RNF130: variants seen among roughly 807,000 people sequenced by gnomAD.
RNF130 encodes ring finger protein 130.
A neutral mutation model predicts 44.6 loss-of-function variants in RNF130; 21 were observed. The observed-to-expected ratio is 0.47, with a 90% CI of 0.33 to 0.68. RNF130 has a LOEUF of 0.68. Among genes scored for constraint, RNF130 ranks in the 30% least tolerant of loss-of-function variants. The probability of loss-of-function intolerance (pLI) is 0.02; values close to 1 mark genes in which losing one functional copy is unlikely to be tolerated. For synonymous variants in RNF130, 214 were observed against 210.4 expected (o/e 1.02, Z -0.15); for missense variants, 479 against 560.6 (o/e 0.85, Z 1.47).
Position 180,071,549 on chromosome 5 carries a change from GC to G in RNF130, c.153del (p.Leu52SerfsTer79). The stretch of plus-strand genomic sequence containing the variant: ...CGCCCGCGGTCGATGCGAAACGTGA[GC>G]GGGGCGCCGCGGCCGGGCTCCTGCA... ...VTVQEPGRGA[P>X]LTFRIDRGRY... On this transcript the variant is annotated frameshift_variant, in exon 1 of 9. Transcript: ENST00000521389. LOFTEE classifies it high-confidence loss of function. The G allele has an allele frequency of 1.4e-6, 2 of 1,418,094 alleles. No individual in the cohort carries two copies. The highest frequency in any genetic ancestry group is 1.6e-5 in the South Asian group (1 of 62,112). 87.8% of individuals were successfully genotyped at this position (1,418,094 alleles called of 1,614,324 possible).
At position 180,013,308 on chromosome 5, in the gene RNF130, G is replaced by C. The variant is rs950247993; in HGVS notation, c.446C>G (p.Thr149Ser). The C allele has an allele frequency of 3.7e-6, 6 of 1,603,476 alleles. No homozygotes were observed. Among genetic ancestry groups the C allele is most frequent in the Non-Finnish European group, 5.1e-6 (6 of 1,174,966 alleles). Residue 149 changes from threonine to serine, a missense_variant, in exon 3 of 9, where the codon ACT (threonine) becomes AGT (serine). Around this residue, in one of 3 missense-constraint regions of RNF130, gnomAD observed 180 missense variants for 275.1 expected, o/e 0.65. Coordinates refer to ENST00000521389, the MANE Select transcript of RNF130 (RefSeq NM_018434.6). ...EEPVTMTHPG[T>S]GDIIAVMITE... ...TATCATGACAGCAATAATATCTCCAGTGCCTGCAATATAAAATAAATATAT... is the reference window on the plus strand; with the variant it reads ...TATCATGACAGCAATAATATCTCCACTGCCTGCAATATAAAATAAATATAT...
Position 179,948,374 on chromosome 5 carries a change from T to A in RNF130, c.1150+18432A>T, listed in dbSNP as rs935672379. Among the ~76,000 whole-genome samples, 4 of 152,252 alleles carry A rather than the reference T, an allele frequency of 2.6e-5. No individual in the cohort carries two copies. In the East Asian group the frequency reaches 7.7e-4, roughly 29 times the overall value. ...TTCACCGGGACTCTATTCTTTGTTCTGTTTGTTGCTCTTGGCCTGGTGCAT... is the reference window on the plus strand; with the variant it reads ...TTCACCGGGACTCTATTCTTTGTTCAGTTTGTTGCTCTTGGCCTGGTGCAT... On this transcript the variant is annotated intron_variant, in intron 7 of 7. Transcript: ENST00000522208.
chr5:179,950,109 TTAAA>T (rs1264273266), downstream of RNF130, among the ~76,000 whole-genome samples: 7 of 152,104 alleles, frequency 4.6e-5, no homozygotes, highest in Non-Finnish European at 1.0e-4. Context: ...ATCATGCTTA[TTAAA>T]TAACTTTTTT....
chr5:180,044,140 A>G (rs546769234), intron 1 of RNF130, among the ~76,000 whole-genome samples: 1 of 152,304 alleles, frequency 6.6e-6, no homozygotes, highest in African/African-American at 2.4e-5. Flanking sequence ...TATCTATATA[A>G]TTATGAGCCT....
chr5:179,964,519 G>A (rs1762401634), intron 7 of RNF130: 1 of 152,212 alleles, frequency 6.6e-6, no homozygotes, highest in African/African-American at 2.4e-5. Context: ...ACCTATATAT[G>A]TGCAAGAAGG....
At chr5:180,011,310 TATCA>T (rs1763591610) in intron 3 of RNF130, among the ~76,000 whole-genome samples, 1 of 152,222 alleles carries the variant, frequency 6.6e-6, no homozygotes, top group Non-Finnish European at 1.5e-5. Flanking sequence ...AAAAAAGGTC[TATCA>T]ATCAGATAAT....
In RNF130 at chr5:179,966,119, C is replaced by T. The variant is rs1435737529; in HGVS notation, c.1150+687G>A. On this transcript the variant is annotated intron_variant, in intron 7 of 8. Coordinates refer to ENST00000521389, the MANE Select transcript of RNF130 (RefSeq NM_018434.6). Reference sequence around the variant, plus strand: ...TGAATGTCTATGATGCCTACACACACGCTGTCAGCTCACTCACACCGTCCT... The same window carrying T: ...TGAATGTCTATGATGCCTACACACATGCTGTCAGCTCACTCACACCGTCCT... Among the ~76,000 whole-genome samples the T allele has an allele frequency of 4.1e-4, 62 of 152,190 alleles. 1 individual carries two copies. The highest frequency in any genetic ancestry group is 3.9e-3 in the Admixed American group (60 of 15,276).
In RNF130 at chr5:179,955,378, C is replaced by T. The variant is rs1320583913; in HGVS notation, c.*276G>A. ...CTGTTCCTCTCACGGGAGCCAGGAG[C>T]ACATTCTGTCTCTGAAACACAAACA... On this transcript the variant is annotated 3_prime_UTR_variant, in exon 9 of 9. Coordinates refer to ENST00000521389, the MANE Select transcript of RNF130 (RefSeq NM_018434.6). 9 of 370,730 alleles carry T rather than the reference C, an allele frequency of 2.4e-5. No homozygotes were observed. The highest frequency in any genetic ancestry group is 3.4e-5 in the Non-Finnish European group (7 of 204,936). 23.0% of individuals were successfully genotyped at this position (370,730 alleles called of 1,614,324 possible).
chr5:179,986,798 T>G (rs1355310189), intron 3 of RNF130, among the ~76,000 whole-genome samples: 1 of 152,354 alleles, frequency 6.6e-6, no homozygotes, highest in East Asian at 1.9e-4. Flanking sequence ...TACATGTATT[T>G]TATACATGAT....
intron 7 of RNF130, among the ~76,000 whole-genome samples, chr5:179,928,356 GT>G (rs569173452): frequency 0.056 from 8,100 of 144,854 alleles, 416 homozygotes; most frequent in African/African-American, 0.14. Context: ...TGGATATTTT[GT>G]TTTTTTTTTT....
chr5:179,948,900 G>A (rs1189281682), intron 7 of RNF130, among the ~76,000 whole-genome samples: 1 of 152,076 alleles, frequency 6.6e-6, no homozygotes, highest in African/African-American at 2.4e-5. Flanking sequence ...TTCCCGTGGA[G>A]GGTCTTCAGG....
intron 3 of RNF130, among the ~76,000 whole-genome samples, chr5:180,004,684 T>C (rs17079941): frequency 0.11 from 17,412 of 152,262 alleles, 2,170 homozygotes; most frequent in African/African-American, 0.32. Context: ...CTTAATCTAA[T>C]AGGAATAGTT....
chr5:179,994,679 A>T (rs1763162699), intron 3 of RNF130, among the ~76,000 whole-genome samples: 2 of 151,992 alleles, frequency 1.3e-5, no homozygotes. Flanking sequence ...CTGGCTCATA[A>T]CCTCCTGAGA....
At chr5:179,983,916 A>C (rs1340954522) in intron 3 of RNF130, among the ~76,000 whole-genome samples, 1 of 152,170 alleles carries the variant, frequency 6.6e-6, no homozygotes, top group East Asian at 1.9e-4. Context: ...GGGATTTCTT[A>C]AAATTTAACT....
chr5:180,023,949 T>C (rs2113109421), intron 2 of RNF130, among the ~76,000 whole-genome samples: 2 of 152,338 alleles, frequency 1.3e-5, no homozygotes, highest in South Asian at 4.1e-4. Context: ...TCAACATCAC[T>C]GGTGATACTT....
At chr5:180,017,509 TACG>T (rs1675025816) in intron 2 of RNF130, among the ~76,000 whole-genome samples, 1 of 152,244 alleles carries the variant, frequency 6.6e-6, no homozygotes, top group African/African-American at 2.4e-5. Context: ...CTGAATCTGT[TACG>T]ACAATGGTAT....
chr5:180,010,110 G>A (rs953688675), intron 3 of RNF130, among the ~76,000 whole-genome samples: 2 of 151,984 alleles, frequency 1.3e-5, no homozygotes, highest in Middle Eastern at 3.4e-3. Context: ...AGCCAGGCAC[G>A]GTGGCAGGCA....
At chr5:179,951,211 AACAG>A (rs1472162509), downstream of RNF130, among the ~76,000 whole-genome samples, 3 of 152,174 alleles carry the variant, frequency 2.0e-5, no homozygotes, top group Admixed American at 6.5e-5. Flanking sequence ...CATGAAGCAA[AACAG>A]ACAGAATAAA....
chr5:179,925,636 G>C (rs1761697741), intron 7 of RNF130, among the ~76,000 whole-genome samples: 1 of 152,130 alleles, frequency 6.6e-6, no homozygotes, highest in East Asian at 1.9e-4. Flanking sequence ...TCAAGCAATT[G>C]TCTTGCCTCA....
Sources: gnomAD v4.1 joint callset for allele counts (sites outside exome capture counted in the v4.1 genomes callset) on GRCh38, gnomAD v4.1.1 for gene constraint, gnomAD v4.1.1 regional missense constraint, MANE v1.5 for transcripts, NCBI Gene and HGNC (gene_info 2026-07-23, HGNC 2026-07-21) for gene names.